Variants in LYPLAL1 observed in about 807,000 individuals in gnomAD.
The protein encoded by LYPLAL1 is lysophospholipase like 1, also known as lysophospholipase-like protein 1.
In LYPLAL1, 23 loss-of-function variants were observed where a neutral mutation model predicts 19.7. The ratio of observed to expected loss-of-function variants is 1.17; its 90% CI spans 0.84 to 1.65. The LOEUF (loss-of-function observed/expected upper bound fraction) is 1.65. LYPLAL1 is among the 40% of genes most tolerant of loss of function. The pLI, the probability that LYPLAL1 is intolerant of heterozygous loss-of-function variation, is 0.00. For missense variants in LYPLAL1, 355 were observed against 279.4 expected (o/e 1.27, Z -1.93); for synonymous variants, 119 against 96.3 (o/e 1.24, Z -1.38).
At chr1:219,348,164 G>A in the LYPLAL1 span, among the ~76,000 whole-genome samples, 36 of 152,346 alleles carry the variant, frequency 2.4e-4, no homozygotes, top group African/African-American at 8.7e-4. Context: ...TGCTCAGGTT[G>A]TGTGTATTGC....
chr1:219,307,220 G>T, the LYPLAL1 span, among the ~76,000 whole-genome samples: 37 of 152,210 alleles, frequency 2.4e-4, no homozygotes, highest in African/African-American at 8.7e-4. Context: ...CAGCTTGACT[G>T]CGTTTCCCGA....
At chr1:219,435,430 A>AAAATT in the LYPLAL1 span, 1 of 152,212 alleles carries the variant, frequency 6.6e-6, no homozygotes, top group African/African-American at 2.4e-5. Context: ...GATAAAATTC[A>AAAATT]AAATTAAATT....
the LYPLAL1 span, among the ~76,000 whole-genome samples, chr1:219,444,859 T>C: frequency 6.6e-6 from 1 of 152,234 alleles, no homozygotes; most frequent in African/African-American, 2.4e-5. Flanking sequence ...AAATGTTGTC[T>C]GGATTATCTA....
the LYPLAL1 span, among the ~76,000 whole-genome samples, chr1:219,372,419 C>T: frequency 6.6e-6 from 1 of 152,116 alleles, no homozygotes; most frequent in African/African-American, 2.4e-5. Flanking sequence ...GGCCAAGACC[C>T]ATAGGTGAAG....
the LYPLAL1 span, among the ~76,000 whole-genome samples, chr1:219,352,258 C>T: frequency 6.6e-6 from 1 of 152,154 alleles, no homozygotes; most frequent in Non-Finnish European, 1.5e-5. Context: ...GGGCCAGGCG[C>T]GGTGGCTCAC....
At chr1:219,370,218 A>T in the LYPLAL1 span, among the ~76,000 whole-genome samples, 23 of 152,168 alleles carry the variant, frequency 1.5e-4, no homozygotes, top group African/African-American at 5.6e-4. Flanking sequence ...TGATTCTCCG[A>T]TCTGAGAAGA....
rs141612002 is a variant in LYPLAL1 at position 219,198,122 on chromosome 1, A to G, written c.361+4871A>G. 7.6e-3 allele frequency among the ~76,000 whole-genome samples: 1,152 copies of G among 152,184 alleles called. 4 individuals carry two copies. The highest frequency in any genetic ancestry group is 0.023 in the South Asian group (110 of 4,832). ...TGATTTTTAAAAATCAGTGCCTTTG[A>G]TATATTTTCAAAGTCCGACAATGTG... On this transcript the variant is annotated intron_variant, in intron 3 of 4. Transcript: ENST00000366928.
chr1:219,204,344 C>T (rs1014264631), intron 3 of LYPLAL1, among the ~76,000 whole-genome samples: 2 of 152,170 alleles, frequency 1.3e-5, no homozygotes, highest in Non-Finnish European at 2.9e-5. Context: ...CTGCCTTCTT[C>T]TGGCTTTATT....
the LYPLAL1 span, among the ~76,000 whole-genome samples, chr1:219,304,370 G>A: frequency 2.0e-5 from 3 of 152,210 alleles, no homozygotes; most frequent in African/African-American, 7.2e-5. Flanking sequence ...ATTATTTTGA[G>A]CATTGATAAC....
At chr1:219,287,620 G>A in the LYPLAL1 span, among the ~76,000 whole-genome samples, 1 of 152,210 alleles carries the variant, frequency 6.6e-6, no homozygotes, top group Admixed American at 6.5e-5. Flanking sequence ...ACAACAGGAA[G>A]TCTCATTCGT....
chr1:219,214,511 G>A (rs541120539), downstream of LYPLAL1, among the ~76,000 whole-genome samples: 6 of 151,878 alleles, frequency 4.0e-5, no homozygotes, highest in South Asian at 4.2e-4. Context: ...AGAGATTTCC[G>A]CATACTATAA....
the LYPLAL1 span, among the ~76,000 whole-genome samples, chr1:219,419,571 A>G: frequency 9.0e-6 from 1 of 111,076 alleles, no homozygotes; most frequent in Non-Finnish European, 1.9e-5. Flanking sequence ...ACACACACAC[A>G]CACACACACA....
chr1:219,392,188 T>C, the LYPLAL1 span, among the ~76,000 whole-genome samples: 3 of 152,180 alleles, frequency 2.0e-5, no homozygotes, highest in Non-Finnish European at 4.4e-5. Flanking sequence ...GTCTTTTACA[T>C]TGAGATCCCT....
chr1:219,180,626 G>A (rs1034990957), intron 2 of LYPLAL1, among the ~76,000 whole-genome samples: 2 of 152,196 alleles, frequency 1.3e-5, no homozygotes, highest in Non-Finnish European at 2.9e-5. Flanking sequence ...TTTTAGGATA[G>A]TTGAAGTTGG....
the LYPLAL1 span, among the ~76,000 whole-genome samples, chr1:219,268,455 G>C: frequency 2.6e-5 from 4 of 152,186 alleles, no homozygotes. Context: ...ACCAATGGAG[G>C]TGGAGGAAAT....
the LYPLAL1 span, among the ~76,000 whole-genome samples, chr1:219,425,900 T>C: frequency 6.6e-6 from 1 of 152,230 alleles, no homozygotes; most frequent in African/African-American, 2.4e-5. Context: ...ACAAGTAATA[T>C]GTTTACCATT....
chr1:219,355,719 G>A, the LYPLAL1 span, among the ~76,000 whole-genome samples: 3 of 151,794 alleles, frequency 2.0e-5, no homozygotes, highest in Non-Finnish European at 4.4e-5. Flanking sequence ...CATATGGAAG[G>A]CCATAAAATA....
downstream of LYPLAL1, among the ~76,000 whole-genome samples, chr1:219,214,250 T>A (rs1021949762): frequency 2.6e-5 from 4 of 152,164 alleles, no homozygotes; most frequent in Non-Finnish European, 5.9e-5. Flanking sequence ...GTATAATTTT[T>A]ATATATTGCT....
chr1:219,423,899 A>T, the LYPLAL1 span, among the ~76,000 whole-genome samples: 9 of 151,992 alleles, frequency 5.9e-5, no homozygotes, highest in East Asian at 1.5e-3. Flanking sequence ...AAAGTAGAAG[A>T]CAAATAAATC....
Sources: gnomAD v4.1 joint callset for allele counts (sites outside exome capture counted in the v4.1 genomes callset) on GRCh38, gnomAD v4.1.1 for gene constraint, MANE v1.5 for transcripts, NCBI Gene and HGNC (gene_info 2026-07-23, HGNC 2026-07-21) for gene names.